Variants in ADCY2 observed in about 807,000 individuals in gnomAD.
ADCY2 encodes the protein adenylate cyclase 2.
In ADCY2, 31 loss-of-function variants were observed where a neutral mutation model predicts 125.2. That is an observed-to-expected ratio of 0.25 (90% CI 0.19 to 0.33). ADCY2 has a LOEUF of 0.33. Ranked by LOEUF, ADCY2 falls within the 10% of genes least tolerant of loss-of-function variation. The pLI, the probability that ADCY2 is intolerant of heterozygous loss-of-function variation, is 1.00. For missense variants in ADCY2, 904 were observed against 1,418.2 expected, an observed-to-expected ratio of 0.64 and a Z score of 5.82; for synonymous variants, 512 against 548.4, an observed-to-expected ratio of 0.93 and a Z score of 0.93.
At chr5:7,560,615 C>G (rs1369188382) in intron 3 of ADCY2, among the ~76,000 whole-genome samples, 2 of 151,970 alleles carry the variant, frequency 1.3e-5, no homozygotes, top group African/African-American at 4.8e-5. Context: ...GACTTCTGCA[C>G]CAGCCTGAAT....
intron 20 of ADCY2, chr5:7,799,357 T>C (rs114039864): frequency 0.037 from 5,636 of 152,340 alleles, 316 homozygotes; most frequent in African/African-American, 0.13. Context: ...CAGTGCATGG[T>C]TCTCAGCCCT....
In ADCY2 at chr5:7,504,198, G is replaced by A. The variant is rs143621565; in HGVS notation, c.409-16540G>A. Among the ~76,000 whole-genome samples the A allele has an allele frequency of 3.1e-4, 47 of 152,218 alleles. No individual in the cohort carries two copies. In the East Asian group the frequency reaches 7.5e-3, roughly 24 times the overall value. ...GGGTATGGGTTAAATGTGTGCTCACGGCTACCTCTTAAATGAAGAACCTGT... is the reference window on the plus strand; with the variant it reads ...GGGTATGGGTTAAATGTGTGCTCACAGCTACCTCTTAAATGAAGAACCTGT... On this transcript the variant is annotated intron_variant, in intron 2 of 24. Coordinates refer to ENST00000338316, the MANE Select transcript of ADCY2 (RefSeq NM_020546.3).
At chr5:7,725,011 T>C (rs894515561) in intron 13 of ADCY2, among the ~76,000 whole-genome samples, 1 of 152,234 alleles carries the variant, frequency 6.6e-6, no homozygotes, top group Non-Finnish European at 1.5e-5. Context: ...GACTAAAATA[T>C]GAGTTTTACA....
At chr5:7,690,365 T>C (rs955979489) in intron 4 of ADCY2, among the ~76,000 whole-genome samples, 2 of 152,354 alleles carry the variant, frequency 1.3e-5, no homozygotes, top group East Asian at 1.9e-4. Context: ...CAGTGATTTC[T>C]GAAATTTTAA....
chr5:7,478,009 C>T (rs529767300), intron 2 of ADCY2, among the ~76,000 whole-genome samples: 8 of 152,108 alleles, frequency 5.3e-5, no homozygotes, highest in South Asian at 2.1e-4. Flanking sequence ...TTAAAATAAC[C>T]GGAAAGATTT....
At chr5:7,767,508 G>A (rs1270212188) in intron 17 of ADCY2, among the ~76,000 whole-genome samples, 1 of 152,128 alleles carries the variant, frequency 6.6e-6, no homozygotes, top group Non-Finnish European at 1.5e-5. Context: ...GTCAAATAAT[G>A]GGTTTTGACA....
chr5:7,552,657 T>G (rs1208401454), intron 3 of ADCY2, among the ~76,000 whole-genome samples: 1 of 152,186 alleles, frequency 6.6e-6, no homozygotes, highest in African/African-American at 2.4e-5. Context: ...AGTAAAATGG[T>G]AGAAAGAGCT....
At chr5:7,453,669 G>A (rs1031440335) in intron 2 of ADCY2, among the ~76,000 whole-genome samples, 2 of 152,238 alleles carry the variant, frequency 1.3e-5, no homozygotes, top group South Asian at 2.1e-4. Flanking sequence ...ACGAGTGCAC[G>A]GTTTGACTTT....
intron 1 of ADCY2, among the ~76,000 whole-genome samples, chr5:7,401,891 A>C (rs10512919): frequency 6.6e-6 from 1 of 152,224 alleles, no homozygotes; most frequent in Admixed American, 6.5e-5. Context: ...GATGTTGGGC[A>C]TACTCCACTG....
chr5:7,609,811 G>T (rs1336325042), intron 3 of ADCY2, among the ~76,000 whole-genome samples: 2 of 152,196 alleles, frequency 1.3e-5, no homozygotes, highest in African/African-American at 4.8e-5. Flanking sequence ...CCGTCCTGGA[G>T]AATAGCAGGA....
chr5:7,820,263 C>G (rs1400555161), intron 23 of ADCY2, among the ~76,000 whole-genome samples: 2 of 152,074 alleles, frequency 1.3e-5, no homozygotes, highest in African/African-American at 4.8e-5. Flanking sequence ...GAGGCCAAGA[C>G]AGGTGAATCT....
chr5:7,627,123 C>T (rs1428472780), intron 4 of ADCY2, among the ~76,000 whole-genome samples: 5 of 152,172 alleles, frequency 3.3e-5, no homozygotes, highest in African/African-American at 1.2e-4. Flanking sequence ...CATCACAGCA[C>T]TTCCTACAGC....
chr5:7,635,564 T>G (rs1343589395), intron 4 of ADCY2, among the ~76,000 whole-genome samples: 1 of 152,126 alleles, frequency 6.6e-6, no homozygotes, highest in Non-Finnish European at 1.5e-5. Context: ...AATCCAGATT[T>G]GAGTTTTTAA....
intron 4 of ADCY2, among the ~76,000 whole-genome samples, chr5:7,648,475 G>A (rs767464852): frequency 1.5e-4 from 23 of 152,140 alleles, no homozygotes; most frequent in East Asian, 3.9e-4. Flanking sequence ...TATCAGTTGC[G>A]GTCCAAGAAC....
At chr5:7,529,334 A>G (rs1211294358) in intron 3 of ADCY2, among the ~76,000 whole-genome samples, 2 of 152,258 alleles carry the variant, frequency 1.3e-5, no homozygotes, top group Non-Finnish European at 2.9e-5. Flanking sequence ...ATGGTAGGCC[A>G]CAACATTATT....
At position 7,550,711 on chromosome 5, in the gene ADCY2, C is replaced by T. The variant is rs1735302267; in HGVS notation, c.570+29812C>T. On this transcript the variant is annotated intron_variant, in intron 3 of 24. Coordinates refer to ENST00000338316, the MANE Select transcript of ADCY2 (RefSeq NM_020546.3). ...ACTCCCTGCATTACACCTTGGTGGG[C>T]CCTCATCACTTACCTGAGGCAGCGC... is the stretch of plus-strand genomic sequence containing the variant. Among the ~76,000 whole-genome samples the T allele has an allele frequency of 2.0e-5, 3 of 152,220 alleles. No homozygotes were observed. In the South Asian group the frequency reaches 6.2e-4, roughly 32 times the overall value.
In ADCY2 at chr5:7,666,040, A is replaced by C. The variant is rs186597933; in HGVS notation, c.721-24651A>C. On this transcript the variant is annotated intron_variant, in intron 4 of 24. Transcript: ENST00000338316. ...TTTTTAGTAGAGACAGGGTTTCACC[A>C]TGTTAGCCAGGATGGTCTCGATCTC... Among the ~76,000 whole-genome samples the C allele has an allele frequency of 1.0e-4, 15 of 149,898 alleles. No homozygotes were observed. The East Asian group carries it at 1.2e-3, about 12-fold the overall frequency.
chr5:7,729,774 ATCTT>A (rs1742041547), intron 14 of ADCY2, among the ~76,000 whole-genome samples: 1 of 148,958 alleles, frequency 6.7e-6, no homozygotes, highest in South Asian at 2.1e-4. Context: ...CATCATGTAT[ATCTT>A]TCTTTTAGTG....
intron 18 of ADCY2, among the ~76,000 whole-genome samples, chr5:7,776,878 A>G (rs1290348087): frequency 1.3e-5 from 2 of 152,186 alleles, no homozygotes; most frequent in African/African-American, 2.4e-5. Context: ...GGACTTGTAC[A>G]GCAGTATCTC....
Sources: gnomAD v4.1 joint callset for allele counts (sites outside exome capture counted in the v4.1 genomes callset) on GRCh38, gnomAD v4.1.1 for gene constraint, MANE v1.5 for transcripts, NCBI Gene and HGNC (gene_info 2026-07-23, HGNC 2026-07-21) for gene names.